Variants in NKAIN2 observed in about 807,000 individuals in gnomAD.
NKAIN2 encodes sodium/potassium-transporting ATPase subunit beta-1-interacting protein 2.
A neutral mutation model predicts 32.6 loss-of-function variants in NKAIN2; 14 were observed. The observed-to-expected ratio is 0.43, with a 90% CI of 0.28 to 0.67. The LOEUF is 0.67. Among genes scored for constraint, NKAIN2 ranks in the 30% least tolerant of loss-of-function variants. The pLI is 0.17. For synonymous variants in NKAIN2, 80 were observed against 87.2 expected (o/e 0.92, Z 0.46); for missense variants, 198 against 258.3 (o/e 0.77, Z 1.60).
chr6:124,726,444 G>T (rs932883140), intron 4 of NKAIN2, among the ~76,000 whole-genome samples: 1 of 152,104 alleles, frequency 6.6e-6, no homozygotes, highest in Non-Finnish European at 1.5e-5. Context: ...CCCAGCAGGG[G>T]CACACTGACA....
At chr6:124,812,481 T>C (rs1239030962) in intron 5 of NKAIN2, among the ~76,000 whole-genome samples, 1 of 152,134 alleles carries the variant, frequency 6.6e-6, no homozygotes, top group Non-Finnish European at 1.5e-5. Context: ...TAGCTTGTAT[T>C]ATAGTAGTGG....
intron 4 of NKAIN2, among the ~76,000 whole-genome samples, chr6:124,739,058 AC>A (rs1214806059): frequency 6.7e-6 from 1 of 148,916 alleles, no homozygotes; most frequent in African/African-American, 2.5e-5. Context: ...GGCATAATGC[AC>A]TTTTGAAAAT....
At chr6:124,716,304 T>C (rs376318625) in intron 4 of NKAIN2, among the ~76,000 whole-genome samples, 171 of 152,288 alleles carry the variant, frequency 1.1e-3, no homozygotes, top group African/African-American at 4.0e-3. Context: ...CCCAAACAAG[T>C]TTTTTATCTG....
At chr6:124,208,533 T>C (rs1353330777) in intron 1 of NKAIN2, among the ~76,000 whole-genome samples, 1 of 151,692 alleles carries the variant, frequency 6.6e-6, no homozygotes, top group East Asian at 1.9e-4. Flanking sequence ...TATGTAAAAG[T>C]TAAAAATTTA....
intron 4 of NKAIN2, among the ~76,000 whole-genome samples, chr6:124,773,883 T>A (rs2114766254): frequency 6.6e-6 from 1 of 152,248 alleles, no homozygotes; most frequent in Non-Finnish European, 1.5e-5. Context: ...ATTGCATGCC[T>A]AAAAGCTGCC....
At chr6:124,624,701 G>A (rs1388113035) in intron 3 of NKAIN2, among the ~76,000 whole-genome samples, 1 of 152,096 alleles carries the variant, frequency 6.6e-6, no homozygotes, top group African/African-American at 2.4e-5. Flanking sequence ...TCTTAATTCT[G>A]GCAACATGTT....
intron 4 of NKAIN2, among the ~76,000 whole-genome samples, chr6:124,740,353 G>A (rs1430933772): frequency 6.6e-6 from 1 of 151,372 alleles, no homozygotes; most frequent in Non-Finnish European, 1.5e-5. Context: ...AGGCCCAATG[G>A]ACCCATCAGA....
chr6:124,102,837 A>G (rs975146752), intron 1 of NKAIN2, among the ~76,000 whole-genome samples: 12 of 152,274 alleles, frequency 7.9e-5, no homozygotes, highest in African/African-American at 2.6e-4. Context: ...TTGTTTTTTT[A>G]AAACACTTGT....
At chr6:123,824,434 C>G (rs1215719555) in intron 1 of NKAIN2, among the ~76,000 whole-genome samples, 1 of 152,044 alleles carries the variant, frequency 6.6e-6, no homozygotes, top group African/African-American at 2.4e-5. Flanking sequence ...CTAGTAAAAA[C>G]TAAAGGTGCA....
At position 124,369,880 on chromosome 6, in the gene NKAIN2, A is replaced by ATTTTTTTTTTTTTTTTTTTT. The variant is rs61588781; in HGVS notation, c.273+14551_273+14552insTTTTTTTTTTTTTTTTTTTT. Among the ~76,000 whole-genome samples the ATTTTTTTTTTTTTTTTTTTT allele has an allele frequency of 2.1e-4, 17 of 82,368 alleles. 2 individuals carry two copies. Among genetic ancestry groups the ATTTTTTTTTTTTTTTTTTTT allele is most frequent in the African/African-American group, 8.6e-4 (15 of 17,512 alleles). 54.0% of individuals were successfully genotyped at this position (82,368 alleles called of 152,430 possible). On this transcript the variant is annotated intron_variant, in intron 3 of 6. Coordinates refer to ENST00000368417, the MANE Select transcript of NKAIN2 (RefSeq NM_001040214.3). ...ATTTGCTTTAGAGGGCAGAATGTCAATTTTTTTTTTTTTTTTTTAACCTGT... is the reference window on the plus strand; with the variant it reads ...ATTTGCTTTAGAGGGCAGAATGTCAATTTTTTTTTTTTTTTTTTTTTTTTTTTTTTTTTTTTTTAACCTGT...
intron 3 of NKAIN2, among the ~76,000 whole-genome samples, chr6:124,581,952 TTAAA>T (rs1208726416): frequency 2.0e-5 from 3 of 151,946 alleles, no homozygotes; most frequent in African/African-American, 7.2e-5. Flanking sequence ...ACAATGCATC[TTAAA>T]TAAATAGAAC....
rs527508842 is a variant in NKAIN2 at position 124,479,838 on chromosome 6, A to G, written c.273+124491A>G. Among the ~76,000 whole-genome samples, 13 of 152,304 alleles carry G rather than the reference A, an allele frequency of 8.5e-5. 1 individual carries two copies. The highest frequency in any genetic ancestry group is 1.8e-4 in the Non-Finnish European group (12 of 68,024). ...ATTGCACAGTTATTAAAAACAAAAG[A>G]AAAACAAACAATAACAACAAAAAAA... is the stretch of plus-strand genomic sequence containing the variant. On this transcript the variant is annotated intron_variant, in intron 3 of 6. Transcript: ENST00000368417.
intron 2 of NKAIN2, among the ~76,000 whole-genome samples, chr6:124,314,433 G>A (rs904192342): frequency 4.6e-5 from 7 of 152,076 alleles, no homozygotes; most frequent in Middle Eastern, 3.2e-3. Flanking sequence ...GTGCTCTGAG[G>A]TGCAGAGGGC....
At chr6:124,430,583 T>C (rs1488613264) in intron 3 of NKAIN2, among the ~76,000 whole-genome samples, 1 of 152,132 alleles carries the variant, frequency 6.6e-6, no homozygotes, top group East Asian at 1.9e-4. Flanking sequence ...TCCATCTCTT[T>C]ACAGTATCTC....
chr6:124,413,278 G>T (rs1051673146), intron 3 of NKAIN2, among the ~76,000 whole-genome samples: 1 of 152,094 alleles, frequency 6.6e-6, no homozygotes, highest in Non-Finnish European at 1.5e-5. Flanking sequence ...TTTTGTTTAA[G>T]AATTGACGTT....
chr6:124,586,887 A>G (rs1382363405), intron 3 of NKAIN2, among the ~76,000 whole-genome samples: 1 of 152,224 alleles, frequency 6.6e-6, no homozygotes, highest in Non-Finnish European at 1.5e-5. Flanking sequence ...AGCAACATGG[A>G]TGTCTCTCAA....
intron 1 of NKAIN2, among the ~76,000 whole-genome samples, chr6:123,818,360 C>T (rs1270036151): frequency 1.3e-5 from 1 of 75,334 alleles, no homozygotes; most frequent in Non-Finnish European, 2.5e-5. Context: ...TGGAAACACA[C>T]ACACACACAC....
At chr6:124,458,546 C>T (rs1776409357) in intron 3 of NKAIN2, among the ~76,000 whole-genome samples, 1 of 151,834 alleles carries the variant, frequency 6.6e-6, no homozygotes, top group African/African-American at 2.4e-5. Flanking sequence ...CTATACCATA[C>T]TTACTATTAT....
At chr6:124,479,300 G>A (rs1001154816) in intron 3 of NKAIN2, among the ~76,000 whole-genome samples, 1 of 152,086 alleles carries the variant, frequency 6.6e-6, no homozygotes, top group Non-Finnish European at 1.5e-5. Flanking sequence ...CTTAGCTATG[G>A]GAAACATACC....
Sources: gnomAD v4.1 joint callset for allele counts (sites outside exome capture counted in the v4.1 genomes callset) on GRCh38, gnomAD v4.1.1 for gene constraint, MANE v1.5 for transcripts, NCBI Gene and HGNC (gene_info 2026-07-23, HGNC 2026-07-21) for gene names.